Variants in PPEF2 observed in about 807,000 individuals in gnomAD.
The protein encoded by PPEF2 is protein phosphatase with EF-hand domain 2, also known as serine/threonine-protein phosphatase with EF-hands 2.
PPEF2 carries 84 observed loss-of-function variants against 84.7 expected under a neutral mutation model. That is an observed-to-expected ratio of 0.99 (90% CI 0.83 to 1.19). The LOEUF (loss-of-function observed/expected upper bound fraction) is 1.19, where lower values mean the gene tolerates loss of function less well. PPEF2 is among the 50% of genes most tolerant of loss of function. The pLI is 0.00. For missense variants in PPEF2, 924 were observed against 937.5 expected, an observed-to-expected ratio of 0.99 and a Z score of 0.19; for synonymous variants, 346 against 345.2, an observed-to-expected ratio of 1.00 and a Z score of -0.03.
chr4:75,895,127 A>ATTTTT (rs34515110), intron 2 of PPEF2, among the ~76,000 whole-genome samples: 49 of 129,266 alleles, frequency 3.8e-4, no homozygotes, highest in Non-Finnish European at 3.4e-4. Flanking sequence ...CAGCTAATTA[A>ATTTTT]TTTTTTTTTT....
chr4:75,890,177 A>T, intron 4 of PPEF2, 45 bp from the exon 5 acceptor site: 1 of 1,603,096 alleles, frequency 6.2e-7, no homozygotes. Flanking sequence ...TCATCTGATC[A>T]TGCAGTCTGT....
chr4:75,864,994 T>C (rs1724092869), intron 15 of PPEF2, among the ~76,000 whole-genome samples: 1 of 152,202 alleles, frequency 6.6e-6, no homozygotes, highest in South Asian at 2.1e-4. Context: ...TGGAGTGCAA[T>C]GGCCCAATCT....
chr4:75,878,033 TAGGA>T (rs1724473549), intron 10 of PPEF2, among the ~76,000 whole-genome samples: 1 of 152,098 alleles, frequency 6.6e-6, no homozygotes, highest in African/African-American at 2.4e-5. Context: ...AGGTGAGAAA[TAGGA>T]AGAGGAAAAA....
At chr4:75,896,417 A>G in intron 1 of PPEF2, 34 bp from the exon 2 acceptor site, 1 of 1,396,512 alleles carries the variant, frequency 7.2e-7, no homozygotes, top group Non-Finnish European at 1.0e-6. Context: ...GTAATAGGAG[A>G]TGCAGGCAGA....
At chr4:75,876,824 G>T in intron 10 of PPEF2, 151 bp from the exon 11 acceptor site, 1 of 778,742 alleles carries the variant, frequency 1.3e-6, no homozygotes, top group Non-Finnish European at 1.9e-6. Flanking sequence ...TGAGCAACAT[G>T]GCAAGACCGT....
chr4:75,861,614 G>GTTTTTTTTTTTTTTTTTTTT (rs71210216), intron 16 of PPEF2, among the ~76,000 whole-genome samples: 8 of 86,178 alleles, frequency 9.3e-5, no homozygotes, highest in African/African-American at 1.3e-4. Context: ...TTATGCAACA[G>GTTTTTTTTTTTTTTTTTTTT]TTTTTTTTTT....
intron 16 of PPEF2, among the ~76,000 whole-genome samples, chr4:75,862,372 A>C (rs1390255860): frequency 1.3e-5 from 2 of 152,072 alleles, no homozygotes; most frequent in Admixed American, 6.6e-5. Flanking sequence ...ACAATCCACA[A>C]AATCAGAAAA....
Position 75,873,262 on chromosome 4 carries a change from G to A in PPEF2, c.1371C>T (p.Ala457=). The change falls in exon 12 of 17, where the codon GCC becomes GCT. Residue 457 remains alanine, a synonymous_variant. Transcript: ENST00000286719. ...AACAGCCTCCTCCTCGAATAGTGTT[G>A]GCCTTGCAGCCCTCTTGAGCCATGG... ...SDPMAQEGCK[A]NTIRGGGCYF... 6.2e-7 allele frequency: 1 copy of A among 1,614,068 alleles called. No individual in the cohort carries two copies. Among genetic ancestry groups the A allele is most frequent in the Non-Finnish European group, 8.5e-7 (1 of 1,180,014 alleles).
At chr4:75,882,183 T>G (rs1344649927) in intron 10 of PPEF2, among the ~76,000 whole-genome samples, 1 of 152,240 alleles carries the variant, frequency 6.6e-6, no homozygotes, top group Non-Finnish European at 1.5e-5. Context: ...GCACCATCTC[T>G]GTTTCATCTT....
chr4:75,875,190 C>T (rs1417528079), intron 11 of PPEF2, among the ~76,000 whole-genome samples: 4 of 152,164 alleles, frequency 2.6e-5, no homozygotes, highest in Non-Finnish European at 5.9e-5. Context: ...TAGGCATGAG[C>T]CACTGCGCCC....
intron 8 of PPEF2, among the ~76,000 whole-genome samples, chr4:75,883,805 G>A (rs1303553603): frequency 8.7e-6 from 1 of 114,338 alleles, no homozygotes; most frequent in Non-Finnish European, 1.7e-5. Context: ...GTGACCAAGC[G>A]AGACTCCGTC....
At chr4:75,893,487 G>GAC (rs10624574) in intron 2 of PPEF2, among the ~76,000 whole-genome samples, 78,612 of 148,752 alleles carry the variant, frequency 0.53, 21,531 homozygotes, top group East Asian at 0.95. Context: ...TAGAGACTCT[G>GAC]ACACACACAC....
At chr4:75,866,692 C>T (rs539556994) in intron 14 of PPEF2, among the ~76,000 whole-genome samples, 184 of 152,218 alleles carry the variant, frequency 1.2e-3, no homozygotes, top group African/African-American at 4.2e-3. Context: ...CTTCTGCAAG[C>T]CACATAAAAG....
chr4:75,893,966 C>G (rs183104094), intron 2 of PPEF2, among the ~76,000 whole-genome samples: 152 of 152,252 alleles, frequency 1.0e-3, no homozygotes, highest in Non-Finnish European at 1.7e-3. Context: ...CTTTTAATAT[C>G]CTTTATCCCA....
chr4:75,897,011 G>A (rs979389999), intron 1 of PPEF2, among the ~76,000 whole-genome samples: 12 of 151,944 alleles, frequency 7.9e-5, no homozygotes, highest in South Asian at 4.2e-4. Flanking sequence ...TCAGCCTCCC[G>A]GTTAATTTTG....
chr4:75,871,944 T>C lies in PPEF2; in HGVS notation c.1649+81A>G, dbSNP rs2149216641. The C allele has an allele frequency of 5.0e-6, 7 of 1,400,340 alleles. No individual in the cohort carries two copies. The South Asian group carries it at 8.6e-5, about 17-fold the overall frequency. 86.7% of individuals were successfully genotyped at this position (1,400,340 alleles called of 1,614,324 possible). ...AATTCTCACGTAGAATTTGAATAAA[T>C]ATAACGTTTGACACTTCATTCAAAG... On this transcript the variant is annotated intron_variant, in intron 13 of 16. Transcript: ENST00000286719.
chr4:75,873,000 G>A, intron 12 of PPEF2, 127 bp downstream of exon 12: 1 of 914,454 alleles, frequency 1.1e-6, no homozygotes, highest in Non-Finnish European at 1.6e-6. Context: ...GTTGCTTTGA[G>A]CAAGTAGGTA....
At chr4:75,879,067 C>T (rs931609856) in intron 10 of PPEF2, among the ~76,000 whole-genome samples, 2 of 152,100 alleles carry the variant, frequency 1.3e-5, no homozygotes, top group African/African-American at 4.8e-5. Flanking sequence ...CTGTTTTCCC[C>T]ATCTTATGTT....
chr4:75,898,255 C>A (rs1368126051), intron 1 of PPEF2, among the ~76,000 whole-genome samples: 1 of 152,234 alleles, frequency 6.6e-6, no homozygotes, highest in Non-Finnish European at 1.5e-5. Context: ...GAACATGTCA[C>A]AGTGCTGCAG....
Sources: allele counts gnomAD v4.1 joint callset (sites outside exome capture counted in the v4.1 genomes callset), GRCh38; gene constraint gnomAD v4.1.1; transcripts MANE v1.5; gene names NCBI Gene and HGNC (gene_info 2026-07-23, HGNC 2026-07-21).